ACTR3: variants seen among roughly 807,000 people sequenced by gnomAD.
ACTR3 encodes actin related protein 3.
In ACTR3, 12 loss-of-function variants were observed where a neutral mutation model predicts 56.8. The ratio of observed to expected loss-of-function variants is 0.21; its 90% CI spans 0.14 to 0.34. The LOEUF is 0.34. Among genes scored for constraint, ACTR3 ranks in the 10% least tolerant of loss-of-function variants. The pLI is 1.00. For synonymous variants in ACTR3, 162 were observed against 167.4 expected (o/e 0.97, Z 0.25); for missense variants, 282 against 512.5 (o/e 0.55, Z 4.34).
At chr2:113,939,863 A>C in intron 6 of ACTR3, 96 bp from the exon 7 acceptor site, 1 of 1,129,062 alleles carries the variant, frequency 8.9e-7, no homozygotes, top group Non-Finnish European at 1.3e-6. Flanking sequence ...TAAATACACT[A>C]ACTTAATAAA....
chr2:113,955,887 A>G (rs1263184511), intron 11 of ACTR3, among the ~76,000 whole-genome samples, 181 bp downstream of exon 11: 2 of 152,048 alleles, frequency 1.3e-5, no homozygotes, highest in African/African-American at 2.4e-5. Flanking sequence ...AGCTGGGACT[A>G]CAGGCATGCG....
At chr2:113,932,710 T>C (rs936395972) in intron 5 of ACTR3, among the ~76,000 whole-genome samples, 6 of 152,224 alleles carry the variant, frequency 3.9e-5, no homozygotes, top group Non-Finnish European at 7.3e-5. Context: ...ATGATAGTTT[T>C]GAACTTACTT....
rs1679294141 is a variant in ACTR3 at position 113,910,879 on chromosome 2, CAAAT to C, written c.45-2290_45-2287del. Among the ~76,000 whole-genome samples the C allele has an allele frequency of 2.6e-5, 4 of 151,890 alleles. No individual in the cohort carries two copies. The South Asian group carries it at 6.2e-4, about 24-fold the overall frequency. The stretch of plus-strand genomic sequence containing the variant: ...ATAGCAGCTTGAATTGTGGTGGTGA[CAAAT>C]AAGAATAAAAGTAGAGAGATTAATA... On this transcript the variant is annotated intron_variant, in intron 1 of 11. Transcript: ENST00000263238.
intron 1 of ACTR3, among the ~76,000 whole-genome samples, chr2:113,910,824 G>A (rs1018150391): frequency 1.3e-5 from 2 of 152,158 alleles, no homozygotes; most frequent in Admixed American, 6.5e-5. Flanking sequence ...TGGAAATACT[G>A]TTTTGTCCTG....
At chr2:113,901,353 T>C (rs1000838087) in intron 1 of ACTR3, among the ~76,000 whole-genome samples, 4 of 152,240 alleles carry the variant, frequency 2.6e-5, no homozygotes, top group African/African-American at 9.6e-5. Context: ...AGCGAAACTC[T>C]GTTTCAGCAA....
At chr2:113,922,512 G>A (rs1177465680) in intron 3 of ACTR3, among the ~76,000 whole-genome samples, 1 of 152,194 alleles carries the variant, frequency 6.6e-6, no homozygotes, top group Non-Finnish European at 1.5e-5. Flanking sequence ...GGGAGAAGGT[G>A]AAATCTTAGC....
chr2:113,911,687 G>C (rs1318274158), intron 1 of ACTR3, among the ~76,000 whole-genome samples: 3 of 151,606 alleles, frequency 2.0e-5, no homozygotes, highest in African/African-American at 4.9e-5. Flanking sequence ...GGCACACTCA[G>C]TTCTTGAACT....
intron 5 of ACTR3, among the ~76,000 whole-genome samples, chr2:113,932,944 A>G (rs1679750411): frequency 6.6e-6 from 1 of 152,208 alleles, no homozygotes. Context: ...GGTAGGTAAA[A>G]TAAGTCCAGT....
chr2:113,929,905 C>A (rs902435896), intron 4 of ACTR3, among the ~76,000 whole-genome samples: 1 of 152,094 alleles, frequency 6.6e-6, no homozygotes, highest in Non-Finnish European at 1.5e-5. Context: ...TCTTGAACTT[C>A]TAGTCTCAAG....
At chr2:113,941,397 CTTCCAAGGT>C (rs1679922452) in intron 7 of ACTR3, among the ~76,000 whole-genome samples, 1 of 152,156 alleles carries the variant, frequency 6.6e-6, no homozygotes, top group Admixed American at 6.5e-5. Flanking sequence ...GTCATTCTCA[CTTCCAAGGT>C]TTGGAGAAGA....
At chr2:113,945,577 T>C (rs2104623143) in intron 8 of ACTR3, among the ~76,000 whole-genome samples, 1 of 152,360 alleles carries the variant, frequency 6.6e-6, no homozygotes, top group South Asian at 2.1e-4. Context: ...AGTAGTGTAA[T>C]GTGATTCTTT....
At chr2:113,914,703 C>G (rs549105786) in intron 2 of ACTR3, among the ~76,000 whole-genome samples, 33 of 151,174 alleles carry the variant, frequency 2.2e-4, no homozygotes, top group African/African-American at 7.3e-4. Flanking sequence ...GGGTTTTTAT[C>G]TACTCCTCAC....
At chr2:113,934,037 A>G in intron 5 of ACTR3, 2 of 427,046 alleles carry the variant, frequency 4.7e-6, no homozygotes, top group Non-Finnish European at 8.3e-6. Flanking sequence ...AAATATGTAA[A>G]TCTTACAAAT....
chr2:113,954,325 G>C (rs1311864589), intron 10 of ACTR3: 1 of 150,666 alleles, frequency 6.6e-6, no homozygotes, highest in Admixed American at 6.6e-5. Context: ...CTAGTTTTTA[G>C]CATCCATTGT....
At chr2:113,921,427 A>G (rs1306854021) in intron 3 of ACTR3, among the ~76,000 whole-genome samples, 1 of 148,814 alleles carries the variant, frequency 6.7e-6, no homozygotes, top group Non-Finnish European at 1.5e-5. Context: ...CATAACTTGT[A>G]TTTTCCCTCT....
At position 113,913,163 on chromosome 2, in the gene ACTR3, G is replaced by A; in HGVS notation, c.45-9G>A. On this transcript the variant is annotated splice_polypyrimidine_tract_variant and intron_variant, in intron 1 of 11. Transcript: ENST00000263238. The stretch of plus-strand genomic sequence containing the variant: ...TAGTGAAATCTTTATAAATTATTTT[G>A]TTTTGCAGGTATACAAAACTAGGAT... 1 of 1,535,244 alleles carries A rather than the reference G, an allele frequency of 6.5e-7. No individual in the cohort carries two copies. Among genetic ancestry groups the A allele is most frequent in the Non-Finnish European group, 8.9e-7 (1 of 1,126,284 alleles).
chr2:113,916,024 GATGTCTA>G (rs1679399119), intron 2 of ACTR3, among the ~76,000 whole-genome samples: 1 of 152,114 alleles, frequency 6.6e-6, no homozygotes, highest in African/African-American at 2.4e-5. Context: ...GAGCCACCTG[GATGTCTA>G]TGTACACTGT....
chr2:113,926,217 A>G (rs1389814997), intron 3 of ACTR3, among the ~76,000 whole-genome samples: 5 of 152,236 alleles, frequency 3.3e-5, no homozygotes, highest in Admixed American at 6.5e-5. Flanking sequence ...TTTTTATGCC[A>G]GCAACTGCTG....
rs1246838243 is a variant in ACTR3 at position 113,903,632 on chromosome 2, T to C, written c.45-9540T>C. 2.0e-5 allele frequency among the ~76,000 whole-genome samples: 3 copies of C among 150,704 alleles called. No homozygotes were observed. In the Admixed American group the frequency reaches 2.0e-4, roughly 10 times the overall value. ...CTCACTGAAACCTCTGCCTCCTGGG[T>C]TAAAGCAATTCTCCTGCCTCAGCCT... On this transcript the variant is annotated intron_variant, in intron 1 of 11. Coordinates refer to ENST00000263238, the MANE Select transcript of ACTR3 (RefSeq NM_005721.5).
Sources: gnomAD v4.1 joint callset for allele counts (sites outside exome capture counted in the v4.1 genomes callset) on GRCh38, gnomAD v4.1.1 for gene constraint, MANE v1.5 for transcripts, NCBI Gene and HGNC (gene_info 2026-07-23, HGNC 2026-07-21) for gene names.